The following RP1 variants were observed in gnomAD, a reference collection of about 807,000 sequenced individuals.
RP1 encodes oxygen-regulated protein 1.
RP1 carries 16 observed loss-of-function variants against 14.8 expected under a neutral mutation model. The ratio of observed to expected loss-of-function variants is 1.08; its 90% confidence interval spans 0.73 to 1.65. RP1 has a LOEUF of 1.65. Ranked by LOEUF, RP1 falls within the 40% of genes most tolerant of loss-of-function variation. RP1 has a pLI of 0.00. For synonymous variants in RP1, 876 were observed against 883.6 expected (o/e 0.99, Z 0.15); for missense variants, 2,631 against 2,535.0 (o/e 1.04, Z -0.81).
chr8:54,730,161 C>CT (rs1425554400), intron 17 of RP1, among the ~76,000 whole-genome samples: 4 of 151,950 alleles, frequency 2.6e-5, no homozygotes, highest in African/African-American at 9.7e-5. Context: ...AAGTACCTCC[C>CT]TATGTTGAGC....
intron 16 of RP1, among the ~76,000 whole-genome samples, chr8:54,722,263 GGT>G (rs1491110898): frequency 1.6e-5 from 2 of 123,296 alleles, no homozygotes; most frequent in African/African-American, 3.4e-5. Flanking sequence ...ATTTTAGAAT[GGT>G]TTTTTTTTTT....
chr8:54,714,446 A>G (rs1808356656), intron 15 of RP1, among the ~76,000 whole-genome samples: 1 of 152,126 alleles, frequency 6.6e-6, no homozygotes, highest in African/African-American at 2.4e-5. Flanking sequence ...TATTTTTCAG[A>G]CCCTGCATTC....
chr8:54,663,874 T>TA (rs1167779537), intron 7 of RP1: 1 of 1,502,762 alleles, frequency 6.7e-7, no homozygotes, highest in Non-Finnish European at 8.8e-7. Flanking sequence ...CCTTTGATTT[T>TA]AAAAAGATTA....
rs1806119802 is a variant in RP1 at position 54,627,970 on chromosome 8, A to G, written c.4088A>G (p.Glu1363Gly). ...AACTTGGATTCAACTGAAGAGTTAG[A>G]AAGAGGTGATGACATTCAGAAAGAT... The part of the protein sequence containing the change: ...TDNLDSTEEL[E>G]RGDDIQKDLN... The change falls in exon 4 of 4, where the codon GAA becomes GGA. Residue 1363 changes from glutamate to glycine, a missense_variant. Physicochemically the swap from Glu to Gly is moderately conservative, Grantham distance 98. Coordinates refer to ENST00000220676, the MANE Select transcript of RP1 (RefSeq NM_006269.2). 1 of 1,614,126 alleles carries G rather than the reference A, an allele frequency of 6.2e-7. No individual in the cohort carries two copies. The highest frequency in any genetic ancestry group is 1.3e-5 in the African/African-American group (1 of 75,072).
chr8:54,666,036 T>C (rs1277104510), intron 7 of RP1, among the ~76,000 whole-genome samples: 1 of 152,042 alleles, frequency 6.6e-6, no homozygotes, highest in African/African-American at 2.4e-5. Context: ...CCTATCCCCA[T>C]CAGCTCCTAC....
intron 24 of RP1, among the ~76,000 whole-genome samples, chr8:54,812,802 TATCTATCTCTCC>T (rs1215534333): frequency 1.2e-4 from 18 of 148,996 alleles, no homozygotes; most frequent in African/African-American, 4.0e-4. Context: ...TCTATCTATC[TATCTATCTCTCC>T]GTCTTCTATC....
intron 26 of RP1, chr8:54,852,733 T>A: frequency 8.1e-7 from 1 of 1,231,914 alleles, no homozygotes; most frequent in Non-Finnish European, 1.0e-6. Context: ...GGACAGGTAA[T>A]AGAAACAGGT....
At chr8:54,748,004 A>G (rs1311768431) in intron 19 of RP1, among the ~76,000 whole-genome samples, 1 of 152,208 alleles carries the variant, frequency 6.6e-6, no homozygotes, top group Non-Finnish European at 1.5e-5. Flanking sequence ...TAGAATAGGA[A>G]TTCTCTTGAA....
intron 22 of RP1, among the ~76,000 whole-genome samples, chr8:54,760,366 G>A (rs2129369818): frequency 6.6e-6 from 1 of 152,226 alleles, no homozygotes; most frequent in Middle Eastern, 3.4e-3. Flanking sequence ...TTCCAAGCTA[G>A]CCCTTCTATG....
rs1323312591 is a variant in RP1, at chr8:54,629,802, G to A, written c.5920G>A (p.Ala1974Thr). The change falls in exon 4 of 4, where the codon GCA (alanine) becomes ACA (threonine). Residue 1974 changes from alanine (A) to threonine (T), a missense_variant. Transcript: ENST00000220676. ...KNVFREENNK[A>T]SMRQNLIDNA... ...TGTGTTCAGGGAAGAGAACAATAAA[G>A]CAAGTATGAGACAAAATCTTATTGA... 3.1e-6 allele frequency: 5 copies of A among 1,611,620 alleles called. No individual in the cohort carries two copies. Among genetic ancestry groups the A allele is most frequent in the Admixed American group, 3.4e-5 (2 of 59,674 alleles).
intron 12 of RP1, among the ~76,000 whole-genome samples, chr8:54,690,860 A>G (rs1043861784): frequency 4.6e-5 from 7 of 152,036 alleles, no homozygotes; most frequent in African/African-American, 1.7e-4. Flanking sequence ...TTACTCTAGA[A>G]GTTGTAAAAC....
In RP1 at chr8:54,625,995, A is replaced by G; in HGVS notation, c.2113A>G (p.Lys705Glu). 2 of 1,614,032 alleles carry G rather than the reference A, an allele frequency of 1.2e-6. No individual in the cohort carries two copies. The highest frequency in any genetic ancestry group is 1.7e-6 in the Non-Finnish European group (2 of 1,179,952). ...TAATAAGAATGAGAGAATAAACACAAAAGGTAGAATTACAAAGGAAATGAT... is the reference window on the plus strand; with the variant it reads ...TAATAAGAATGAGAGAATAAACACAGAAGGTAGAATTACAAAGGAAATGAT... ...ILNKNERINT[K>E]GRITKEMIVQ... is the part of the protein sequence containing the mutation. Residue 705 changes from lysine (K) to glutamate (E), a missense_variant, in exon 4 of 4, where the codon AAA (lysine) becomes GAA (glutamate). Physicochemically the swap from Lys to Glu is moderately conservative, Grantham distance 56 (BLOSUM62 1). Transcript: ENST00000220676.
chr8:54,737,589 A>G (rs1267535352), intron 18 of RP1, among the ~76,000 whole-genome samples: 1 of 152,090 alleles, frequency 6.6e-6, no homozygotes, highest in Non-Finnish European at 1.5e-5. Flanking sequence ...CTCTGGGAAT[A>G]AGGAAGTGGG....
chr8:54,590,683 T>C (rs1453230080), intron 1 of RP1, among the ~76,000 whole-genome samples: 1 of 152,182 alleles, frequency 6.6e-6, no homozygotes, highest in East Asian at 1.9e-4. Flanking sequence ...TCCAGTTATG[T>C]AGTCCCTCCC....
chr8:54,868,413 G>T (rs926650003), intron 28 of RP1, among the ~76,000 whole-genome samples: 1 of 152,118 alleles, frequency 6.6e-6, no homozygotes, highest in African/African-American at 2.4e-5. Flanking sequence ...AGGACCCAGG[G>T]TTAAATAAGT....
intron 23 of RP1, chr8:54,780,943 A>G (rs1217592781): frequency 5.1e-6 from 5 of 984,876 alleles, no homozygotes; most frequent in Non-Finnish European, 6.0e-6. Context: ...TAAATATGGA[A>G]GATCCTGTTA....
chr8:54,709,389 A>G (rs761518134), intron 15 of RP1, among the ~76,000 whole-genome samples: 13 of 152,146 alleles, frequency 8.5e-5, no homozygotes, highest in Non-Finnish European at 1.8e-4. Flanking sequence ...ACAGGATGAA[A>G]TGCCAGGTTC....
chr8:54,631,548 T>C (rs1008750701), downstream of RP1, among the ~76,000 whole-genome samples: 1 of 152,134 alleles, frequency 6.6e-6, no homozygotes, highest in Non-Finnish European at 1.5e-5. Flanking sequence ...GCATTTTTTT[T>C]TTTTTTAAGT....
chr8:54,833,942 T>G (rs1459969199), intron 24 of RP1, among the ~76,000 whole-genome samples: 1 of 151,750 alleles, frequency 6.6e-6, no homozygotes, highest in Non-Finnish European at 1.5e-5. Flanking sequence ...AGGAAACACA[T>G]GAAATGAAAA....
Sources: gnomAD v4.1 joint callset for allele counts (sites outside exome capture counted in the v4.1 genomes callset) on GRCh38, gnomAD v4.1.1 for gene constraint, MANE v1.5 for transcripts, NCBI Gene and HGNC (gene_info 2026-07-23, HGNC 2026-07-21) for gene names.